The following ABHD2 variants were observed in gnomAD, a reference collection of about 807,000 sequenced individuals.
ABHD2 encodes the protein abhydrolase domain containing 2, acylglycerol lipase.
Under a neutral mutation model 48.1 loss-of-function variants are expected in ABHD2, and 20 were observed. The observed-to-expected ratio is 0.42, with a 90% CI of 0.29 to 0.60. The LOEUF (loss-of-function observed/expected upper bound fraction) is 0.60. ABHD2 is among the 20% of genes least tolerant of loss of function. ABHD2 has a pLI of 0.24. For synonymous variants in ABHD2, 209 were observed against 214.2 expected, an observed-to-expected ratio of 0.98 and a Z score of 0.21; for missense variants, 405 against 550.9, an observed-to-expected ratio of 0.74 and a Z score of 2.65.
At chr15:89,129,845 G>GT (rs1270618063) in intron 3 of ABHD2, among the ~76,000 whole-genome samples, 3 of 151,536 alleles carry the variant, frequency 2.0e-5, no homozygotes, top group Non-Finnish European at 4.4e-5. Context: ...CTTGGCATGT[G>GT]TAAGAGTTCA....
chr15:89,054,585 G>A, the ABHD2 span, among the ~76,000 whole-genome samples: 1 of 151,954 alleles, frequency 6.6e-6, no homozygotes, highest in Admixed American at 6.6e-5. Context: ...GAAGACCGAG[G>A]CAGGAGAATC....
chr15:89,201,910 T>C lies in ABHD2; in HGVS notation c.*6487T>C, dbSNP rs373636673. The C allele has an allele frequency of 3.9e-5, 23 of 594,822 alleles. No individual in the cohort carries two copies. Among genetic ancestry groups the C allele is most frequent in the East Asian group, 1.7e-4 (6 of 35,114 alleles). 36.8% of individuals were successfully genotyped at this position (594,822 alleles called of 1,614,324 possible). On this transcript the variant is annotated 3_prime_UTR_variant, in exon 11 of 11. Coordinates refer to ENST00000352732, the MANE Select transcript of ABHD2 (RefSeq NM_152924.5). ...ATCTCTCCTTTTCCTGGTTAGACTC[T>C]GTTCAACCACATTCTTATGTTGGCA...
intron 1 of ABHD2, among the ~76,000 whole-genome samples, chr15:89,110,308 C>G (rs552197140): frequency 6.6e-6 from 1 of 152,110 alleles, no homozygotes; most frequent in Non-Finnish European, 1.5e-5. Flanking sequence ...GTGATCCGCC[C>G]GCCTCGGCCT....
Position 89,164,655 on chromosome 15 carries a change from C to T in ABHD2, c.538+9121C>T. ...ATGAAAAAAGCCAGGTGTGATGATA[C>T]ACACCTGTAATCTCAGCTACCTGGG... On this transcript the variant is annotated intron_variant, in intron 5 of 10. Transcript: ENST00000352732. This position sits in a 1 kb window ranked among gnomAD's most constrained non-coding sequence, Gnocchi z 5.0. Among the ~76,000 whole-genome samples, 1 of 152,068 alleles carries T rather than the reference C, an allele frequency of 6.6e-6. No individual in the cohort carries two copies. Among genetic ancestry groups the T allele is most frequent in the Admixed American group, 6.5e-5 (1 of 15,270 alleles).
At chr15:89,063,509 G>A in the ABHD2 span, among the ~76,000 whole-genome samples, 4 of 151,204 alleles carry the variant, frequency 2.6e-5, no homozygotes, top group Middle Eastern at 3.4e-3. Context: ...ACTAATCTCT[G>A]CCTCTCTCTC....
At chr15:89,046,684 G>A in the ABHD2 span, among the ~76,000 whole-genome samples, 23 of 152,160 alleles carry the variant, frequency 1.5e-4, no homozygotes, top group South Asian at 2.1e-4. Context: ...TTTTATTTGC[G>A]TAGAGGTGTT....
At chr15:89,050,149 A>C in the ABHD2 span, among the ~76,000 whole-genome samples, 262 of 152,326 alleles carry the variant, frequency 1.7e-3, 1 homozygote, top group African/African-American at 6.1e-3. Flanking sequence ...AGGGGCTATG[A>C]GGAGGGAGAG....
rs1342655507 is a variant in ABHD2 at position 89,185,541 on chromosome 15, A to G, written c.815+25A>G. The G allele has an allele frequency of 6.2e-7, 1 of 1,600,522 alleles. No individual in the cohort carries two copies. Among genetic ancestry groups the G allele is most frequent in the African/African-American group, 1.3e-5 (1 of 74,726 alleles). On this transcript the variant is annotated intron_variant, in intron 7 of 10. Transcript: ENST00000352732. The surrounding 1 kb of genome is among the most constrained non-coding windows in gnomAD (Gnocchi z 5.9). ...GGTAGGTCACCTTCCGTTCTCTCTCAGGAGACAGACAGTTCCTTCCTGAGC... is the reference window on the plus strand; with the variant it reads ...GGTAGGTCACCTTCCGTTCTCTCTCGGGAGACAGACAGTTCCTTCCTGAGC...
At chr15:89,070,443 A>G in the ABHD2 span, among the ~76,000 whole-genome samples, 5 of 152,192 alleles carry the variant, frequency 3.3e-5, no homozygotes, top group Non-Finnish European at 7.3e-5. Context: ...AGCATCAGAC[A>G]TTAAGTCCAA....
intron 1 of ABHD2, among the ~76,000 whole-genome samples, chr15:89,090,974 T>C (rs1901575173): frequency 6.6e-6 from 1 of 152,254 alleles, no homozygotes; most frequent in East Asian, 1.9e-4. Flanking sequence ...CAAAAGTGTG[T>C]GACTGATCCG....
At chr15:89,194,179 T>C (rs1163315892) in intron 10 of ABHD2, among the ~76,000 whole-genome samples, 1 of 152,060 alleles carries the variant, frequency 6.6e-6, no homozygotes, top group Non-Finnish European at 1.5e-5. Context: ...TGTGACAGCC[T>C]CTCCATCTGC....
chr15:89,158,517 G>C (rs1196911559), intron 5 of ABHD2, among the ~76,000 whole-genome samples: 1 of 152,188 alleles, frequency 6.6e-6, no homozygotes, highest in Non-Finnish European at 1.5e-5. Context: ...CCTGGGTCAG[G>C]AGACAGGCTC....
chr15:89,163,951 G>A (rs1288966285), intron 5 of ABHD2, among the ~76,000 whole-genome samples: 1 of 152,198 alleles, frequency 6.6e-6, no homozygotes, highest in Non-Finnish European at 1.5e-5. Context: ...CCGTGCTCCT[G>A]AACAACAGGC....
chr15:89,110,343 G>C (rs1466839410), intron 1 of ABHD2, among the ~76,000 whole-genome samples: 2 of 151,662 alleles, frequency 1.3e-5, no homozygotes, highest in East Asian at 1.9e-4. Context: ...TTACAGGCGT[G>C]AGTCCCCTGC....
At chr15:89,093,341 C>T (rs950120212) in intron 1 of ABHD2, among the ~76,000 whole-genome samples, 1 of 152,034 alleles carries the variant, frequency 6.6e-6, no homozygotes, top group African/African-American at 2.4e-5. Flanking sequence ...CCACCACCCC[C>T]AGCTAATTTT....
At position 89,195,300 on chromosome 15, in the gene ABHD2, G is replaced by T. The variant is rs1007572526; in HGVS notation, c.1155G>T (p.Leu385=). Residue 385 remains leucine (L), a synonymous_variant, in exon 11 of 11, where the codon CTG becomes CTT. Coordinates refer to ENST00000352732, the MANE Select transcript of ABHD2 (RefSeq NM_152924.5). The surrounding 1 kb of genome is among the most constrained non-coding windows in gnomAD (Gnocchi z 5.1). Reference sequence around the variant, plus strand: ...TGGGCTTCTTTGAGGGCTCTGTGCTGTTCCCCGAGCCCCTGACATGGATGG... The same window carrying T: ...TGGGCTTCTTTGAGGGCTCTGTGCTTTTCCCCGAGCCCCTGACATGGATGG... ...GHLGFFEGSV[L]FPEPLTWMDK... 1 of 1,614,256 alleles carries T rather than the reference G, an allele frequency of 6.2e-7. No individual in the cohort carries two copies. The highest frequency in any genetic ancestry group is 1.3e-5 in the African/African-American group (1 of 75,068).
intron 9 of ABHD2, among the ~76,000 whole-genome samples, chr15:89,192,742 T>G (rs1163302344): frequency 6.6e-6 from 1 of 152,172 alleles, no homozygotes; most frequent in Non-Finnish European, 1.5e-5. Flanking sequence ...GGGCTGTGGG[T>G]CTCACTATGT....
rs2289441 is a variant in ABHD2, at chr15:89,113,601, A to G, written c.-106-124A>G. 7.9e-5 allele frequency: 12 copies of G among 152,360 alleles called. No homozygotes were observed. In the East Asian group the frequency reaches 2.3e-3, roughly 29 times the overall value. The allele number at this position is 152,360 out of a possible 1,614,324, so 9.4% of individuals were successfully genotyped here. Reference sequence around the variant, plus strand: ...CCAAACATTCAAGAGTGTGGCATACATGTTAATTAACAAAATTGTCTTTTC... The same window carrying G: ...CCAAACATTCAAGAGTGTGGCATACGTGTTAATTAACAAAATTGTCTTTTC... On this transcript the variant is annotated intron_variant, in intron 1 of 10. Transcript: ENST00000352732.
rs965987165 is a variant in ABHD2 at position 89,094,635 on chromosome 15, G to A, written c.-107+6072G>A. On this transcript the variant is annotated intron_variant, in intron 1 of 10. Coordinates refer to ENST00000352732, the MANE Select transcript of ABHD2 (RefSeq NM_152924.5). This position sits in a 1 kb window ranked among gnomAD's most constrained non-coding sequence, Gnocchi z 4.7. Reference sequence around the variant, plus strand: ...AGGCAGGAGAATCACTTGAACCCAGGAGGCAGAGGCTGCCGTGAGCCAAGA... The same window carrying A: ...AGGCAGGAGAATCACTTGAACCCAGAAGGCAGAGGCTGCCGTGAGCCAAGA... 2.6e-5 allele frequency among the ~76,000 whole-genome samples: 4 copies of A among 152,122 alleles called. No individual in the cohort carries two copies. Among genetic ancestry groups the A allele is most frequent in the African/African-American group, 9.7e-5 (4 of 41,422 alleles).
Sources: allele counts gnomAD v4.1 joint callset (sites outside exome capture counted in the v4.1 genomes callset), GRCh38; gene constraint gnomAD v4.1.1; non-coding constraint Gnocchi (gnomAD v3.1); transcripts MANE v1.5; gene names NCBI Gene and HGNC (gene_info 2026-07-23, HGNC 2026-07-21).